PDE5A: variants seen among roughly 807,000 people sequenced by gnomAD.
PDE5A encodes phosphodiesterase 5A, also known as cGMP-specific 3',5'-cyclic phosphodiesterase.
A neutral mutation model predicts 110.2 loss-of-function variants in PDE5A; 67 were observed. The observed-to-expected ratio is 0.61, with a 90% CI of 0.50 to 0.75. PDE5A has a LOEUF of 0.75. Among genes scored for constraint, PDE5A ranks in the 30% least tolerant of loss-of-function variants. The probability of loss-of-function intolerance (pLI) is 0.00; values close to 1 mark genes in which losing one functional copy is unlikely to be tolerated. For synonymous variants in PDE5A, 328 were observed against 351.2 expected (o/e 0.93, Z 0.74); for missense variants, 862 against 1,045.1 (o/e 0.82, Z 2.42).
intron 9 of PDE5A, among the ~76,000 whole-genome samples, chr4:119,546,338 C>A (rs545077604): frequency 1.3e-5 from 2 of 152,100 alleles, no homozygotes; most frequent in South Asian, 2.1e-4. Context: ...AAAATGGTGT[C>A]TTTCATTCAA....
At chr4:119,590,121 T>C (rs1728911656) in intron 3 of PDE5A, among the ~76,000 whole-genome samples, 1 of 152,242 alleles carries the variant, frequency 6.6e-6, no homozygotes, top group South Asian at 2.1e-4. Context: ...TTTTTAGTTA[T>C]GTGACTTTGA....
intron 7 of PDE5A, among the ~76,000 whole-genome samples, chr4:119,557,719 G>A (rs1727591436): frequency 6.6e-6 from 1 of 152,106 alleles, no homozygotes; most frequent in African/African-American, 2.4e-5. Context: ...AGAAACTGAG[G>A]CTTTGAGAGA....
intron 3 of PDE5A, among the ~76,000 whole-genome samples, chr4:119,586,044 A>G (rs1728754090): frequency 6.6e-6 from 1 of 152,220 alleles, no homozygotes; most frequent in Non-Finnish European, 1.5e-5. Context: ...CAAGCTTGCT[A>G]AGCCACTCCA....
chr4:119,585,983 G>A (rs1728751090), intron 3 of PDE5A, among the ~76,000 whole-genome samples: 1 of 152,154 alleles, frequency 6.6e-6, no homozygotes, highest in Non-Finnish European at 1.5e-5. Context: ...CATAAGTCAT[G>A]CAGCCCCTGC....
In PDE5A at chr4:119,498,651, G is replaced by C. The variant is rs140289122; in HGVS notation, c.2578C>G (p.Gln860Glu). Reference protein sequence around the residue: ...RQKWQALAEQQEKMLINGESG... With the variant: ...RQKWQALAEQEEKMLINGESG... ...TCCCCATTAATCAGCATCTTCTCCT[G>C]CTGTTCTGCAAGGGCCTGCCATTTC... Residue 860 changes from glutamine to glutamate, a missense_variant, in exon 21 of 21, where the codon CAG becomes GAG. Gln to Glu is a conservative substitution (Grantham distance 29, BLOSUM62 2). Transcript: ENST00000354960. 5 of 1,613,852 alleles carry C rather than the reference G, an allele frequency of 3.1e-6. No homozygotes were observed. The African/African-American group carries it at 5.3e-5, about 17-fold the overall frequency.
At position 119,567,121 on chromosome 4, in the gene PDE5A, G is replaced by C; in HGVS notation, c.855C>G (p.Ile285Met). 6.2e-7 allele frequency: 1 copy of C among 1,613,256 alleles called. No homozygotes were observed. The highest frequency in any genetic ancestry group is 1.1e-5 in the South Asian group (1 of 91,042). ...REEVVGVAQA[I>M]NKKSGNGGTF... ...TCCCACCGTTTCCTGATTTCTTGTTGATGGCCTGGGCTACACCAACAACCT... is the reference window on the plus strand; with the variant it reads ...TCCCACCGTTTCCTGATTTCTTGTTCATGGCCTGGGCTACACCAACAACCT... Residue 285 changes from isoleucine (I) to methionine (M), a missense_variant, in exon 4 of 21, where the codon ATC (isoleucine) becomes ATG (methionine). Coordinates refer to ENST00000354960, the MANE Select transcript of PDE5A (RefSeq NM_001083.4).
rs201917993 is a variant in PDE5A at position 119,628,638 on chromosome 4, G to A, written c.34C>T (p.Arg12Ter). The A allele has an allele frequency of 6.8e-6, 11 of 1,613,638 alleles. No homozygotes were observed. The highest frequency in any genetic ancestry group is 8.5e-6 in the Non-Finnish European group (10 of 1,179,954). The change falls in exon 1 of 21, where the codon CGA becomes TGA. Residue 12 changes from arginine to a stop codon, truncating the protein, a stop_gained. Coordinates refer to ENST00000354960, the MANE Select transcript of PDE5A (RefSeq NM_001083.4). LOFTEE classifies it high-confidence loss of function. ...ERAGPSFGQQ[R>*]QQQQPQQQKQ... is the part of the protein sequence containing the mutation. ...TGCTGCTGGGGCTGCTGCTGCTGTC[G>A]CTGCTGCCCGAAGCTGGGGCCGGCC...
At chr4:119,541,442 A>G (rs1325184504) in intron 10 of PDE5A, among the ~76,000 whole-genome samples, 2 of 151,922 alleles carry the variant, frequency 1.3e-5, no homozygotes, top group Non-Finnish European at 2.9e-5. Flanking sequence ...ATTTGTGTGT[A>G]TATGTGTACA....
At chr4:119,585,253 C>T (rs965627733) in intron 3 of PDE5A, among the ~76,000 whole-genome samples, 6 of 139,808 alleles carry the variant, frequency 4.3e-5, no homozygotes, top group Admixed American at 2.2e-4. Flanking sequence ...CCAGCCTGGG[C>T]GACAAGAGTG....
Position 119,498,513 on chromosome 4 carries a change from A to C in PDE5A, c.*88T>G. ...CAGTGGCAAAGTATATACCAAATAC[A>C]GACACTATACAGACAGTGTGTAAGA... On this transcript the variant is annotated 3_prime_UTR_variant, in exon 21 of 21. Coordinates refer to ENST00000354960, the MANE Select transcript of PDE5A (RefSeq NM_001083.4). 6.9e-7 allele frequency: 1 copy of C among 1,441,342 alleles called. No individual in the cohort carries two copies. Among genetic ancestry groups the C allele is most frequent in the Non-Finnish European group, 9.6e-7 (1 of 1,044,420 alleles). The allele number at this position is 1,441,342 out of a possible 1,614,324, so 89.3% of individuals were successfully genotyped here.
intron 10 of PDE5A, among the ~76,000 whole-genome samples, chr4:119,541,529 T>C (rs1224563577): frequency 1.3e-5 from 2 of 152,108 alleles, no homozygotes; most frequent in African/African-American, 4.8e-5. Flanking sequence ...CCTATTAGTA[T>C]AATATATTCA....
At chr4:119,609,318 T>C (rs1729657797) in intron 1 of PDE5A, among the ~76,000 whole-genome samples, 1 of 152,178 alleles carries the variant, frequency 6.6e-6, no homozygotes, top group Admixed American at 6.5e-5. Flanking sequence ...CAAACTAATA[T>C]CACCAATAGA....
At chr4:119,609,157 G>A (rs539965322) in intron 1 of PDE5A, among the ~76,000 whole-genome samples, 6 of 149,984 alleles carry the variant, frequency 4.0e-5, no homozygotes, top group Non-Finnish European at 5.9e-5. Flanking sequence ...TCGAGACTCC[G>A]TCTCAAAAAA....
chr4:119,530,017 T>C (rs1025585145), intron 11 of PDE5A, among the ~76,000 whole-genome samples: 2 of 152,176 alleles, frequency 1.3e-5, no homozygotes, highest in African/African-American at 4.8e-5. Flanking sequence ...CAATCTGCGT[T>C]ACAAAAACCT....
chr4:119,623,705 T>TA (rs1051412346), intron 1 of PDE5A, among the ~76,000 whole-genome samples: 4 of 152,172 alleles, frequency 2.6e-5, no homozygotes, highest in Non-Finnish European at 4.4e-5. Flanking sequence ...ATCAAAATAC[T>TA]AAAAATTTCC....
intron 19 of PDE5A, among the ~76,000 whole-genome samples, chr4:119,501,684 A>AAAAG (rs1397983423): frequency 6.6e-6 from 1 of 150,608 alleles, no homozygotes; most frequent in African/African-American, 2.5e-5. Context: ...CAAAAAGAAA[A>AAAAG]AAAGAGGAAA....
At chr4:119,610,811 C>G (rs1168739492) in intron 1 of PDE5A, among the ~76,000 whole-genome samples, 2 of 152,152 alleles carry the variant, frequency 1.3e-5, no homozygotes, top group Non-Finnish European at 2.9e-5. Context: ...TTACTACCAC[C>G]CTGGTCCAAA....
At chr4:119,579,701 G>C (rs1239806953) in intron 3 of PDE5A, among the ~76,000 whole-genome samples, 1 of 151,398 alleles carries the variant, frequency 6.6e-6, no homozygotes, top group African/African-American at 2.4e-5. Flanking sequence ...GGGGTGGGGG[G>C]AGTGGGGAGG....
At chr4:119,548,897 A>T (rs189762321) in intron 9 of PDE5A, 1 of 152,350 alleles carries the variant, frequency 6.6e-6, no homozygotes, top group African/African-American at 2.4e-5. Context: ...TAAGTAATAC[A>T]AGCAATGTAT....
Sources: gnomAD v4.1 joint callset for allele counts (sites outside exome capture counted in the v4.1 genomes callset) on GRCh38, gnomAD v4.1.1 for gene constraint, MANE v1.5 for transcripts, NCBI Gene and HGNC (gene_info 2026-07-23, HGNC 2026-07-21) for gene names.